Variants in GRIK2 observed in about 807,000 individuals in gnomAD.
GRIK2 encodes glutamate receptor ionotropic, kainate 2.
A neutral mutation model predicts 100.3 loss-of-function variants in GRIK2; 32 were observed. The ratio of observed to expected loss-of-function variants is 0.32; its 90% CI spans 0.24 to 0.43. The LOEUF (loss-of-function observed/expected upper bound fraction) is 0.43, where lower values mean the gene tolerates loss of function less well. GRIK2 is among the 20% of genes least tolerant of loss of function. GRIK2 has a pLI of 1.00. For missense variants in GRIK2, 843 were observed against 1,114.9 expected (o/e 0.76, Z 3.47); for synonymous variants, 417 against 389.4 (o/e 1.07, Z -0.83).
chr6:101,590,080 C>CT (rs1404626576), intron 2 of GRIK2, among the ~76,000 whole-genome samples: 1 of 152,012 alleles, frequency 6.6e-6, no homozygotes, highest in African/African-American at 2.4e-5. Flanking sequence ...AGGCATATTT[C>CT]TTTATTTTAA....
chr6:101,914,744 T>C lies in GRIK2; in HGVS notation c.1749-9857T>C, dbSNP rs192869070. Among the ~76,000 whole-genome samples the C allele has an allele frequency of 2.6e-5, 4 of 151,752 alleles. No homozygotes were observed. The Admixed American group carries it at 2.6e-4, about 10-fold the overall frequency. On this transcript the variant is annotated intron_variant, in intron 12 of 16. Transcript: ENST00000369134. ...CAAATGGGATTATGAGTGTATGATA[T>C]CAGGTTTCTTGAGCTTTCAGTTATA...
At chr6:101,830,970 G>A (rs1360045866) in intron 10 of GRIK2, among the ~76,000 whole-genome samples, 1 of 151,956 alleles carries the variant, frequency 6.6e-6, no homozygotes, top group Non-Finnish European at 1.5e-5. Flanking sequence ...CAAAGAGGGA[G>A]GGAGAAAAAG....
intron 2 of GRIK2, among the ~76,000 whole-genome samples, chr6:101,402,526 G>A (rs771754725): frequency 1.3e-5 from 2 of 151,910 alleles, no homozygotes; most frequent in Non-Finnish European, 2.9e-5. Context: ...GTGCTGCCCC[G>A]AGGCTCTATG....
chr6:102,003,001 G>A (rs1795031149), intron 14 of GRIK2, among the ~76,000 whole-genome samples: 1 of 151,018 alleles, frequency 6.6e-6, no homozygotes, highest in African/African-American at 2.4e-5. Flanking sequence ...GATTTTAATT[G>A]TCTTATTTAA....
intron 7 of GRIK2, among the ~76,000 whole-genome samples, chr6:101,737,024 C>T (rs569160093): frequency 6.0e-4 from 92 of 152,272 alleles, no homozygotes; most frequent in African/African-American, 2.2e-3. Flanking sequence ...TGCCACCAGT[C>T]TCTTTGCTAA....
At chr6:102,019,802 A>G (rs1769327947) in intron 14 of GRIK2, among the ~76,000 whole-genome samples, 3 of 151,970 alleles carry the variant, frequency 2.0e-5, no homozygotes, top group African/African-American at 7.2e-5. Context: ...TCATCTTTAT[A>G]TATCCCTTTT....
At chr6:101,774,833 T>C (rs1470772897) in intron 7 of GRIK2, among the ~76,000 whole-genome samples, 1 of 151,202 alleles carries the variant, frequency 6.6e-6, no homozygotes, top group East Asian at 2.0e-4. Flanking sequence ...GATTTTCTGC[T>C]TGCGGAATGG....
chr6:101,935,746 T>G (rs1377577793), intron 14 of GRIK2, among the ~76,000 whole-genome samples: 1 of 151,936 alleles, frequency 6.6e-6, no homozygotes, highest in Non-Finnish European at 1.5e-5. Flanking sequence ...CTCCTTTCCT[T>G]GTTGTGAAAA....
chr6:101,886,955 A>T (rs1272559118), intron 11 of GRIK2, among the ~76,000 whole-genome samples: 2 of 149,580 alleles, frequency 1.3e-5, no homozygotes, highest in Non-Finnish European at 3.0e-5. Context: ...CCTCCCGAGT[A>T]GCTGGGACTA....
chr6:101,605,450 A>G (rs1207315716), intron 2 of GRIK2, among the ~76,000 whole-genome samples: 6 of 151,004 alleles, frequency 4.0e-5, no homozygotes, highest in African/African-American at 9.8e-5. Context: ...ATATCTGTCC[A>G]TATTAACGCA....
chr6:101,531,336 C>T (rs762923959), intron 2 of GRIK2, among the ~76,000 whole-genome samples: 9 of 151,800 alleles, frequency 5.9e-5, no homozygotes, highest in South Asian at 4.1e-4. Context: ...ATCGTATATA[C>T]GTATACATAG....
At chr6:101,660,996 C>T (rs191217720) in intron 4 of GRIK2, among the ~76,000 whole-genome samples, 332 of 152,220 alleles carry the variant, frequency 2.2e-3, no homozygotes, top group South Asian at 3.9e-3. Flanking sequence ...TAGCAGAGCT[C>T]GAATGCTATG....
intron 15 of GRIK2, among the ~76,000 whole-genome samples, chr6:102,050,293 T>C (rs1771101745): frequency 6.7e-6 from 1 of 148,670 alleles, no homozygotes; most frequent in Non-Finnish European, 1.5e-5. Context: ...GAAAGAATGA[T>C]AGAGGGGGAA....
intron 2 of GRIK2, among the ~76,000 whole-genome samples, chr6:101,606,440 C>T (rs1779440118): frequency 6.6e-6 from 1 of 151,884 alleles, no homozygotes. Flanking sequence ...TTCATGTGCT[C>T]AGCATTGTGC....
At position 102,023,125 on chromosome 6, in the gene GRIK2, A is replaced by T. The variant is rs1036687480; in HGVS notation, c.2086-12216A>T. On this transcript the variant is annotated intron_variant, in intron 14 of 16. Coordinates refer to ENST00000369134, the MANE Select transcript of GRIK2 (RefSeq NM_021956.5). ...TTTAAATTTAAAATATATGGTGATCATTGGCATATTTTCTCAGATTTATTT... is the reference window on the plus strand; with the variant it reads ...TTTAAATTTAAAATATATGGTGATCTTTGGCATATTTTCTCAGATTTATTT... Among the ~76,000 whole-genome samples the T allele has an allele frequency of 5.3e-5, 8 of 151,586 alleles. No individual in the cohort carries two copies. In the South Asian group the frequency reaches 1.0e-3, roughly 20 times the overall value.
intron 3 of GRIK2, among the ~76,000 whole-genome samples, chr6:101,624,077 T>A (rs1432775081): frequency 6.6e-6 from 1 of 152,118 alleles, no homozygotes; most frequent in Non-Finnish European, 1.5e-5. Flanking sequence ...ATCTAATTTT[T>A]TTCTGTTATA....
chr6:101,410,171 T>G (rs951225731), intron 2 of GRIK2, among the ~76,000 whole-genome samples: 1 of 152,254 alleles, frequency 6.6e-6, no homozygotes, highest in Non-Finnish European at 1.5e-5. Flanking sequence ...TTAAATTTTT[T>G]TCACTTTTTC....
chr6:101,937,466 T>A (rs758665300), intron 14 of GRIK2, among the ~76,000 whole-genome samples: 8 of 152,110 alleles, frequency 5.3e-5, no homozygotes, highest in Non-Finnish European at 1.0e-4. Flanking sequence ...CAAGAGTTCA[T>A]AGCCACTGGT....
At chr6:101,785,060 A>G (rs112829451) in intron 7 of GRIK2, among the ~76,000 whole-genome samples, 5,065 of 152,190 alleles carry the variant, frequency 0.033, 197 homozygotes, top group African/African-American at 0.093. Context: ...AGTGATAATG[A>G]GTGTTTTTTA....
Sources: allele counts gnomAD v4.1 joint callset (sites outside exome capture counted in the v4.1 genomes callset), GRCh38; gene constraint gnomAD v4.1.1; transcripts MANE v1.5; gene names NCBI Gene and HGNC (gene_info 2026-07-23, HGNC 2026-07-21).